Variants in MAGI2 observed in about 807,000 individuals in gnomAD.
MAGI2 encodes the protein membrane associated guanylate kinase, WW and PDZ domain containing 2.
MAGI2 carries 35 observed loss-of-function variants against 133.3 expected under a neutral mutation model. The observed-to-expected ratio is 0.26, with a 90% CI of 0.20 to 0.35. The LOEUF (loss-of-function observed/expected upper bound fraction) is 0.35, where lower values mean the gene tolerates loss of function less well. Among genes scored for constraint, MAGI2 ranks in the 10% least tolerant of loss-of-function variants. MAGI2 has a pLI of 1.00. For missense variants in MAGI2, 1,636 were observed against 1,863.4 expected, an observed-to-expected ratio of 0.88 and a Z score of 2.25; for synonymous variants, 729 against 710.6, an observed-to-expected ratio of 1.03 and a Z score of -0.41.
intron 2 of MAGI2, among the ~76,000 whole-genome samples, chr7:78,756,424 AG>A (rs1290955747): frequency 6.6e-6 from 1 of 152,140 alleles, no homozygotes; most frequent in Non-Finnish European, 1.5e-5. Flanking sequence ...TAATATATTT[AG>A]TTATTTTTTT....
intron 6 of MAGI2, among the ~76,000 whole-genome samples, chr7:78,469,430 C>A (rs766203341): frequency 2.6e-5 from 4 of 152,122 alleles, no homozygotes; most frequent in Non-Finnish European, 5.9e-5. Context: ...CATCATGTTT[C>A]TTTAGTCAAG....
chr7:78,127,293 G>C lies in MAGI2; in HGVS notation c.3327C>G (p.Pro1109=). 3 of 1,608,052 alleles carry C rather than the reference G, an allele frequency of 1.9e-6. No homozygotes were observed. Among genetic ancestry groups the C allele is most frequent in the Non-Finnish European group, 2.6e-6 (3 of 1,175,896 alleles). ...RQPPGGDYQQ[P]PPLDYRQPPL... Reference sequence around the variant, plus strand: ...GAGGCTGCCTGTAGTCCAAGGGTGGGGGCTGCTGGTAGTCCCCTCCTGGGG... The same window carrying C: ...GAGGCTGCCTGTAGTCCAAGGGTGGCGGCTGCTGGTAGTCCCCTCCTGGGG... The change falls in exon 19 of 22, where the codon CCC becomes CCG. Residue 1109 remains proline (P), a synonymous_variant. Coordinates refer to ENST00000354212, the MANE Select transcript of MAGI2 (RefSeq NM_012301.4).
intron 1 of MAGI2, among the ~76,000 whole-genome samples, chr7:79,095,827 G>A (rs1817465759): frequency 6.6e-6 from 1 of 152,170 alleles, no homozygotes; most frequent in Admixed American, 6.5e-5. Context: ...TTACCAAAAT[G>A]TGACACAGAG....
chr7:78,311,142 A>G (rs1798667614), intron 9 of MAGI2, among the ~76,000 whole-genome samples: 1 of 152,222 alleles, frequency 6.6e-6, no homozygotes, highest in Non-Finnish European at 1.5e-5. Context: ...TACACAGCTA[A>G]TAAGTAGCTA....
intron 2 of MAGI2, among the ~76,000 whole-genome samples, chr7:78,974,300 G>T (rs1216951362): frequency 6.6e-6 from 1 of 151,736 alleles, no homozygotes; most frequent in East Asian, 2.0e-4. Context: ...ACTGAGAAAG[G>T]CCAGTTAGAA....
At chr7:78,137,163 T>G (rs1055733037) in intron 16 of MAGI2, among the ~76,000 whole-genome samples, 7 of 152,066 alleles carry the variant, frequency 4.6e-5, no homozygotes, top group Non-Finnish European at 1.0e-4. Flanking sequence ...GGGTGAACTT[T>G]AGTTCCTGTT....
At chr7:79,439,409 T>C (rs1266568217) in intron 1 of MAGI2, among the ~76,000 whole-genome samples, 2 of 152,128 alleles carry the variant, frequency 1.3e-5, no homozygotes, top group Non-Finnish European at 2.9e-5. Flanking sequence ...AGCCATAGAC[T>C]TGGAGCTCAA....
chr7:78,876,279 G>A (rs1210513605), intron 2 of MAGI2, among the ~76,000 whole-genome samples: 1 of 130,462 alleles, frequency 7.7e-6, no homozygotes, highest in Non-Finnish European at 1.6e-5. Context: ...CCGAGATCAC[G>A]CCACTGCACT....
At chr7:78,649,449 T>C (rs947460588) in intron 2 of MAGI2, among the ~76,000 whole-genome samples, 4 of 152,028 alleles carry the variant, frequency 2.6e-5, no homozygotes, top group African/African-American at 9.7e-5. Flanking sequence ...AATTTCAACA[T>C]TGGAGGCTGA....
At position 78,992,620 on chromosome 7, in the gene MAGI2, G is replaced by A. The variant is rs551251384; in HGVS notation, c.418+14470C>T. Among the ~76,000 whole-genome samples, 18 of 152,008 alleles carry A rather than the reference G, an allele frequency of 1.2e-4. 1 individual carries two copies. Among genetic ancestry groups the A allele is most frequent in the African/African-American group, 4.3e-4 (18 of 41,532 alleles). On this transcript the variant is annotated intron_variant, in intron 2 of 21. Transcript: ENST00000354212. ...TTTTATTTTTGTATCAGAAAACCAG[G>A]TGTCTTTTTTCCAAGCTAATGTTAG...
chr7:78,820,509 T>G (rs972233940), intron 2 of MAGI2, among the ~76,000 whole-genome samples: 11 of 151,954 alleles, frequency 7.2e-5, no homozygotes, highest in African/African-American at 2.7e-4. Flanking sequence ...TACTAGTAAT[T>G]TTTATTTTCC....
rs1258714292 is a variant in MAGI2 at position 79,378,924 on chromosome 7, GTGTATATATA to G, written c.301+74086_301+74095del. Among the ~76,000 whole-genome samples the G allele has an allele frequency of 1.4e-3, 68 of 48,214 alleles. 1 individual carries two copies. The highest frequency in any genetic ancestry group is 4.4e-3 in the East Asian group (4 of 906). The allele number at this position is 48,214 out of a possible 152,430, so 31.6% of individuals were successfully genotyped here. A position where few individuals can be genotyped will look rare whatever the true frequency, so the allele number is the denominator to read the frequency against. On this transcript the variant is annotated intron_variant, in intron 1 of 21. Transcript: ENST00000354212. ...TTCTTTTATATATATATATGTGTGT[GTGTATATATA>G]TATATATATATATATATATATATAT...
At chr7:78,355,137 T>C (rs1231789291) in intron 7 of MAGI2, among the ~76,000 whole-genome samples, 3 of 152,204 alleles carry the variant, frequency 2.0e-5, no homozygotes, top group Admixed American at 1.3e-4. Context: ...ACAAATGAGA[T>C]GATAGTTTCA....
chr7:78,614,381 T>G (rs1806837194), intron 3 of MAGI2: 1 of 152,066 alleles, frequency 6.6e-6, no homozygotes, highest in Admixed American at 6.6e-5. Context: ...AATTCACATT[T>G]TATTAATACA....
chr7:78,565,314 A>T (rs1378849289), intron 3 of MAGI2, among the ~76,000 whole-genome samples: 1 of 151,822 alleles, frequency 6.6e-6, no homozygotes, highest in Admixed American at 6.6e-5. Flanking sequence ...TTTTTTTAAA[A>T]ATTAGTGGGG....
chr7:79,340,419 G>C (rs184528661), intron 1 of MAGI2, among the ~76,000 whole-genome samples: 1 of 152,150 alleles, frequency 6.6e-6, no homozygotes, highest in East Asian at 1.9e-4. Flanking sequence ...TCCTCCCACT[G>C]TCTGGAGTTC....
intron 11 of MAGI2, among the ~76,000 whole-genome samples, chr7:78,198,593 AG>A (rs1422777613): frequency 1.3e-5 from 2 of 152,054 alleles, no homozygotes; most frequent in Non-Finnish European, 2.9e-5. Context: ...CACCATGCCC[AG>A]CTAGTTTTTG....
At chr7:79,088,263 C>G (rs1460693762) in intron 1 of MAGI2, among the ~76,000 whole-genome samples, 1 of 152,010 alleles carries the variant, frequency 6.6e-6, no homozygotes, top group Non-Finnish European at 1.5e-5. Context: ...ATTTTATTCT[C>G]TTTGTAGTAA....
At chr7:78,422,007 T>C (rs1347370863) in intron 6 of MAGI2, among the ~76,000 whole-genome samples, 2 of 152,158 alleles carry the variant, frequency 1.3e-5, no homozygotes, top group African/African-American at 4.8e-5. Context: ...AAAGGATATT[T>C]GAATGGGAAG....
Sources: allele counts gnomAD v4.1 joint callset (sites outside exome capture counted in the v4.1 genomes callset), GRCh38; gene constraint gnomAD v4.1.1; transcripts MANE v1.5; gene names NCBI Gene and HGNC (gene_info 2026-07-23, HGNC 2026-07-21).